Variants in ACACA observed in about 807,000 individuals in gnomAD.
ACACA encodes acetyl-CoA carboxylase 1.
A neutral mutation model predicts 296.1 loss-of-function variants in ACACA; 103 were observed. The ratio of observed to expected loss-of-function variants is 0.35; its 90% CI spans 0.30 to 0.41. The LOEUF is 0.41. Ranked by LOEUF, ACACA falls within the 10% of genes least tolerant of loss-of-function variation. The pLI, the probability that ACACA is intolerant of heterozygous loss-of-function variation, is 1.00. For missense variants in ACACA, 1,554 were observed against 2,989.7 expected (o/e 0.52, Z 11.20); for synonymous variants, 953 against 1,038.6 (o/e 0.92, Z 1.58).
intron 1 of ACACA, chr17:37,365,813 T>G: frequency 8.5e-6 from 7 of 820,434 alleles, no homozygotes; most frequent in African/African-American, 1.9e-5. Flanking sequence ...CTCCCCACGA[T>G]GTTTTCACAT....
chr17:37,315,000 C>T (rs2047023209), intron 3 of ACACA, among the ~76,000 whole-genome samples: 1 of 143,628 alleles, frequency 7.0e-6, no homozygotes, highest in Non-Finnish European at 1.5e-5. Context: ...CTCTTGTTGC[C>T]CAGGCTGGAG....
In ACACA at chr17:37,257,906, G is replaced by A. The variant is rs376858473; in HGVS notation, c.1663-40C>T. On this transcript the variant is annotated intron_variant, in intron 13 of 55. Coordinates refer to ENST00000616317, the MANE Select transcript of ACACA (RefSeq NM_198834.3). ...AGAATGAGAGACCATATTATGTTTCGAAGGAAGAGAAGATTTATATATTCA... is the reference window on the plus strand; with the variant it reads ...AGAATGAGAGACCATATTATGTTTCAAAGGAAGAGAAGATTTATATATTCA... The A allele has an allele frequency of 2.9e-3, 4,601 of 1,601,374 alleles. 7 individuals carry two copies. The highest frequency in any genetic ancestry group is 3.7e-3 in the Non-Finnish European group (4,293 of 1,169,066).
At chr17:37,198,032 A>G (rs1351880773) in intron 35 of ACACA, among the ~76,000 whole-genome samples, 1 of 152,206 alleles carries the variant, frequency 6.6e-6, no homozygotes, top group Non-Finnish European at 1.5e-5. Context: ...TTGCCTATAC[A>G]TGTCCCTATT....
chr17:37,136,758 C>T (rs944210799), intron 45 of ACACA, among the ~76,000 whole-genome samples: 4 of 151,992 alleles, frequency 2.6e-5, no homozygotes, highest in African/African-American at 9.7e-5. Context: ...CTGGATAACA[C>T]GGTGAAACCC....
chr17:37,175,893 A>G (rs1199112090), intron 41 of ACACA, among the ~76,000 whole-genome samples: 1 of 152,208 alleles, frequency 6.6e-6, no homozygotes, highest in African/African-American at 2.4e-5. Flanking sequence ...AATAGAAAGG[A>G]GACAGTAGCT....
chr17:37,359,134 G>T (rs1316736758), intron 1 of ACACA: 1 of 985,410 alleles, frequency 1.0e-6, no homozygotes, highest in Admixed American at 6.2e-5. Context: ...ACACGGAGAA[G>T]GGGCGGGGCT....
chr17:37,371,487 T>C (rs2049804958), intron 1 of ACACA, among the ~76,000 whole-genome samples: 1 of 152,154 alleles, frequency 6.6e-6, no homozygotes, highest in Non-Finnish European at 1.5e-5. Flanking sequence ...GCTGGCAATG[T>C]TCAATTTCTT....
In ACACA at chr17:37,379,663, C is replaced by G. The variant is rs2050159460; in HGVS notation, c.38+26599G>C. Among the ~76,000 whole-genome samples the G allele has an allele frequency of 1.4e-4, 21 of 152,048 alleles. 1 individual carries two copies. The South Asian group carries it at 4.4e-3, about 32-fold the overall frequency. ...AGAAGACATTTATGCAGCCAAAAAA[C>G]ACATGAAAAAATGCTCATGATCACT... is the stretch of plus-strand genomic sequence containing the variant. On this transcript the variant is annotated intron_variant, in intron 1 of 55. Transcript: ENST00000616317.
chr17:37,263,853 T>A lies in ACACA; in HGVS notation c.1161A>T (p.Arg387Ser). 1 of 1,613,898 alleles carries A rather than the reference T, an allele frequency of 6.2e-7. No individual in the cohort carries two copies. Among genetic ancestry groups the A allele is most frequent in the South Asian group, 1.1e-5 (1 of 91,064 alleles). Residue 387 changes from arginine (R) to serine (S), a missense_variant, in exon 11 of 56, where the codon AGA becomes AGT. By Grantham distance (110) the Arg-to-Ser change is moderately radical (BLOSUM62 -1). This residue lies in a region of ACACA where 82 missense variants were observed against 185.2 expected (regional missense o/e 0.44). Coordinates refer to ENST00000616317, the MANE Select transcript of ACACA (RefSeq NM_198834.3). ...CCAGATGACGAGATTGTTTGGCTAG[T>A]CTCATCACAAATATGGGAGATCCAG... ...EVPGSPIFVM[R>S]LAKQSRHLEV...
intron 45 of ACACA, among the ~76,000 whole-genome samples, chr17:37,131,887 C>T (rs563641859): frequency 6.6e-6 from 1 of 152,360 alleles, no homozygotes; most frequent in South Asian, 2.1e-4. Context: ...AGCTGAGCAA[C>T]ATGCTGGCAG....
intron 21 of ACACA, 94 bp downstream of exon 21, chr17:37,244,494 C>T: frequency 6.7e-7 from 1 of 1,500,782 alleles, no homozygotes; most frequent in Non-Finnish European, 9.2e-7. Context: ...GCTTTCTTTT[C>T]CTCCCTCTTA....
At chr17:37,197,310 C>T (rs114221956) in intron 35 of ACACA, among the ~76,000 whole-genome samples, 332 of 152,316 alleles carry the variant, frequency 2.2e-3, no homozygotes, top group African/African-American at 7.2e-3. Context: ...GAAAGACCAA[C>T]AACTATATAA....
chr17:37,141,766 G>A (rs1371657204), intron 45 of ACACA, among the ~76,000 whole-genome samples: 14 of 151,614 alleles, frequency 9.2e-5, no homozygotes, highest in African/African-American at 2.2e-4. Context: ...ATCTTGGCTC[G>A]CTGCCACCTC....
At chr17:37,141,295 C>A (rs1054504830) in intron 45 of ACACA, 33 of 530,164 alleles carry the variant, frequency 6.2e-5, no homozygotes, top group Non-Finnish European at 7.3e-6. Context: ...CTTGGTCATC[C>A]ATTCCTTGCC....
chr17:37,174,615 C>A (rs1167759089), intron 41 of ACACA, among the ~76,000 whole-genome samples: 1 of 152,076 alleles, frequency 6.6e-6, no homozygotes, highest in Non-Finnish European at 1.5e-5. Flanking sequence ...TCACTGCAAC[C>A]TCTGCCTCCC....
intron 29 of ACACA, among the ~76,000 whole-genome samples, chr17:37,214,428 T>C (rs1567824845): frequency 6.6e-6 from 1 of 152,228 alleles, no homozygotes; most frequent in Non-Finnish European, 1.5e-5. Flanking sequence ...TTGCTCTTTC[T>C]GAAACAAGTA....
Position 37,344,077 on chromosome 17 carries a change from C to CA in ACACA, c.39-4228dup, listed in dbSNP as rs200815954. Among the ~76,000 whole-genome samples, 41 of 149,008 alleles carry CA rather than the reference C, an allele frequency of 2.8e-4. 1 individual carries two copies. The East Asian group carries it at 7.8e-3, about 28-fold the overall frequency. ...TCTCTGAAAACACAAAAAATATAAA[C>CA]AAAAAAATAAAAAGATAAAAAATAA... On this transcript the variant is annotated intron_variant, in intron 1 of 55. Coordinates refer to ENST00000616317, the MANE Select transcript of ACACA (RefSeq NM_198834.3).
chr17:37,148,229 T>C (rs567339049), intron 45 of ACACA, among the ~76,000 whole-genome samples: 20 of 150,712 alleles, frequency 1.3e-4, no homozygotes, highest in African/African-American at 4.6e-4. Context: ...AAAGAGCAAC[T>C]TAAAAAAAAA....
At chr17:37,226,261 G>A in intron 26 of ACACA, 78 bp downstream of exon 26, 1 of 1,095,600 alleles carries the variant, frequency 9.1e-7, no homozygotes, top group Non-Finnish European at 1.4e-6. Flanking sequence ...AAGTGATTAA[G>A]CAAAAGTTCA....
Sources: allele counts gnomAD v4.1 joint callset (sites outside exome capture counted in the v4.1 genomes callset), GRCh38; gene constraint gnomAD v4.1.1; regional missense constraint gnomAD v4.1.1; transcripts MANE v1.5; gene names NCBI Gene and HGNC (gene_info 2026-07-23, HGNC 2026-07-21).